Variants in PZP observed in about 807,000 individuals in gnomAD.
PZP encodes PZP alpha-2-macroglobulin like.
In PZP, 150 loss-of-function variants were observed where a neutral mutation model predicts 179.8. The observed-to-expected ratio is 0.83, with a 90% CI of 0.73 to 0.96. PZP has a LOEUF of 0.96. Among genes scored for constraint, PZP ranks in the 40% least tolerant of loss-of-function variants. The probability of loss-of-function intolerance (pLI) is 0.00; values close to 1 mark genes in which losing one functional copy is unlikely to be tolerated. For synonymous variants in PZP, 624 were observed against 652.3 expected, an observed-to-expected ratio of 0.96 and a Z score of 0.66; for missense variants, 1,689 against 1,764.0, an observed-to-expected ratio of 0.96 and a Z score of 0.76.
intron 34 of PZP, among the ~76,000 whole-genome samples, chr12:9,150,377 G>C (rs1208642494): frequency 6.6e-6 from 1 of 152,108 alleles, no homozygotes; most frequent in Non-Finnish European, 1.5e-5. Flanking sequence ...CTGCCTCCCA[G>C]GCTTACACGA....
At position 9,165,301 on chromosome 12, in the gene PZP, G is replaced by A. The variant is rs745393431; in HGVS notation, c.2325C>T (p.Ala775=). Residue 775 remains alanine (A), a synonymous_variant, in exon 19 of 36, where the codon GCC becomes GCT. Transcript: ENST00000261336. The part of the protein sequence containing the change: ...PDTITEWKAG[A]FCLSEDAGLG... The stretch of plus-strand genomic sequence containing the variant: ...GTCCAGCATCTTCGGACAGGCAGAA[G>A]GCCCCTGCCTTCCACTCGGTGATGG... 36 of 1,614,040 alleles carry A rather than the reference G, an allele frequency of 2.2e-5. No individual in the cohort carries two copies. Among genetic ancestry groups the A allele is most frequent in the Non-Finnish European group, 3.0e-5 (35 of 1,180,006 alleles).
chr12:9,166,077 A>C lies in PZP; in HGVS notation c.2233T>G (p.Trp745Gly). ...ETVRSYFPETWIWELVAVNSS... is the reference protein window; with the variant it reads ...ETVRSYFPETGIWELVAVNSS... ...TTCACTGCCACCAACTCCCAGATCCAAGTCTCAGGAAAATAGCTTCGCACC... is the reference window on the plus strand; with the variant it reads ...TTCACTGCCACCAACTCCCAGATCCCAGTCTCAGGAAAATAGCTTCGCACC... Residue 745 changes from tryptophan to glycine, a missense_variant, in exon 18 of 36, where the codon TGG becomes GGG. Physicochemically the swap from Trp to Gly is radical, Grantham distance 184. Transcript: ENST00000261336. The C allele has an allele frequency of 6.2e-7, 1 of 1,609,892 alleles. No homozygotes were observed. The highest frequency in any genetic ancestry group is 8.5e-7 in the Non-Finnish European group (1 of 1,179,122).
chr12:9,200,603 T>C (rs1944099439), intron 6 of PZP, among the ~76,000 whole-genome samples, 155 bp from the exon 7 acceptor site: 1 of 152,222 alleles, frequency 6.6e-6, no homozygotes, highest in Non-Finnish European at 1.5e-5. Flanking sequence ...GTTTAACAAT[T>C]CATGCAGAAT....
At chr12:9,195,611 A>ATTTTT (rs11398106) in intron 10 of PZP, among the ~76,000 whole-genome samples, 15 of 104,248 alleles carry the variant, frequency 1.4e-4, no homozygotes, top group South Asian at 3.2e-4. Context: ...CCCACTGCTA[A>ATTTTT]TTTTTTTTTT....
Position 9,154,707 on chromosome 12 carries a change from G to T in PZP, c.3683C>A (p.Ala1228Asp). 6.2e-7 allele frequency: 1 copy of T among 1,614,134 alleles called. No individual in the cohort carries two copies. The highest frequency in any genetic ancestry group is 8.5e-7 in the Non-Finnish European group (1 of 1,180,038). Residue 1228 changes from alanine (A) to aspartate (D), a missense_variant, in exon 29 of 36, where the codon GCC becomes GAC. Transcript: ENST00000261336. ...AGAGGTCAGGTCCCCTGAGGTGGGG[G>T]CTGGCTGGGCCGTGAGATAAGCGAG... is the stretch of plus-strand genomic sequence containing the variant. ...VLLAYLTAQPAPTSGDLTSAT... is the reference protein window; with the variant it reads ...VLLAYLTAQPDPTSGDLTSAT...
At chr12:9,160,133 G>T in intron 24 of PZP, 108 bp from the exon 25 acceptor site, 1 of 1,195,254 alleles carries the variant, frequency 8.4e-7, no homozygotes, top group Non-Finnish European at 1.2e-6. Context: ...GACCTTCTGT[G>T]ATCTGCCATA....
chr12:9,142,602 G>A, the PZP span, among the ~76,000 whole-genome samples: 2 of 152,110 alleles, frequency 1.3e-5, no homozygotes, highest in African/African-American at 4.8e-5. Flanking sequence ...GTCAATTAGA[G>A]CTTTTTAAAT....
chr12:9,206,596 A>G (rs142130421), intron 1 of PZP, among the ~76,000 whole-genome samples: 243 of 152,320 alleles, frequency 1.6e-3, no homozygotes, highest in Non-Finnish European at 2.5e-3. Context: ...TGAAACCTTC[A>G]TCTTTCTGAA....
Position 9,197,066 on chromosome 12 carries a change from T to C in PZP, c.813A>G (p.Leu271=), listed in dbSNP as rs779329761. The C allele has an allele frequency of 6.2e-7, 1 of 1,613,630 alleles. No homozygotes were observed. Among genetic ancestry groups the C allele is most frequent in the Non-Finnish European group, 8.5e-7 (1 of 1,179,800 alleles). ...GCTTGTCACAATTAAGAACACGAGATAATTTTCTACACAGGCTCACAGTTG... is the reference window on the plus strand; with the variant it reads ...GCTTGTCACAATTAAGAACACGAGACAATTTTCTACACAGGCTCACAGTTG... The part of the protein sequence containing the change: ...GLATVSLCRK[L]SRVLNCDKQE... Residue 271 remains leucine, a synonymous_variant, in exon 8 of 36, where the codon TTA becomes TTG. Coordinates refer to ENST00000261336, the MANE Select transcript of PZP (RefSeq NM_002864.3).
chr12:9,139,356 C>G, the PZP span, among the ~76,000 whole-genome samples: 2 of 151,930 alleles, frequency 1.3e-5, no homozygotes, highest in Non-Finnish European at 2.9e-5. Flanking sequence ...GTGACTTATC[C>G]TGGGGAAGGA....
At chr12:9,196,933 G>C in intron 8 of PZP, 79 bp downstream of exon 8, 1 of 1,117,100 alleles carries the variant, frequency 9.0e-7, no homozygotes, top group Non-Finnish European at 1.3e-6. Flanking sequence ...TTGTCCTGAT[G>C]CCCTCTTTCT....
At chr12:9,150,609 T>G (rs1940280923) in intron 34 of PZP, 35 bp downstream of exon 34, 1 of 1,387,126 alleles carries the variant, frequency 7.2e-7, no homozygotes, top group Non-Finnish European at 1.0e-6. Context: ...ATTTCTTGGC[T>G]CTGGTTAAGA....
rs144915905 is a variant in PZP at position 9,199,050 on chromosome 12, A to G, written c.755+1314T>C. ...TCACAGAGGGCAACAGTGGAAAGGA[A>G]CATCATAGGTAAGGTTCATGCCCTC... On this transcript the variant is annotated intron_variant, in intron 7 of 35. Transcript: ENST00000261336. Among the ~76,000 whole-genome samples the G allele has an allele frequency of 3.9e-3, 588 of 152,256 alleles. 5 individuals are homozygous for G. Among genetic ancestry groups the G allele is most frequent in the South Asian group, 0.022 (107 of 4,818 alleles).
At chr12:9,139,414 A>T in the PZP span, among the ~76,000 whole-genome samples, 1 of 152,168 alleles carries the variant, frequency 6.6e-6, no homozygotes, top group Non-Finnish European at 1.5e-5. Context: ...GTTTGGTGGA[A>T]TATTCTGCAT....
rs756766840 is a variant in PZP, at chr12:9,152,933, T to G, written c.4012A>C (p.Ile1338Leu). 2.5e-6 allele frequency: 4 copies of G among 1,614,142 alleles called. No individual in the cohort carries two copies. The East Asian group carries it at 8.9e-5, about 36-fold the overall frequency. The stretch of plus-strand genomic sequence containing the variant: ...GGGGAGTCCTCTTTCTCTGGAAGAA[T>G]ATTGTATTTCATGGATGTCTGTGAA... ...VYLQTSMKYN[I>L]LPEKEDSPFA... The change falls in exon 31 of 36, where the codon ATT becomes CTT. Residue 1338 changes from isoleucine (I) to leucine (L), a missense_variant. Around this residue, in one of 3 missense-constraint regions of PZP, gnomAD observed 746 missense variants for 749.2 expected, o/e 1.00. Transcript: ENST00000261336.
In PZP at chr12:9,202,536, G is replaced by T. The variant is rs760339155; in HGVS notation, c.416C>A (p.Pro139Gln). Residue 139 changes from proline (P) to glutamine (Q), a missense_variant, in exon 3 of 36, where the codon CCA becomes CAA. By Grantham distance (76) the Pro-to-Gln change is moderately conservative (BLOSUM62 -1). This residue lies in a region of PZP where 742 missense variants were observed against 730.5 expected (regional missense o/e 1.02). Transcript: ENST00000261336. ...FVQTDKPMYKPGQTVRFRVVS... is the reference protein window; with the variant it reads ...FVQTDKPMYKQGQTVRFRVVS... ...ATTTCCCTACTTACCTGTCTGTCCTGGTTTATACATGGGTTTGTCTGTCTG... is the reference window on the plus strand; with the variant it reads ...ATTTCCCTACTTACCTGTCTGTCCTTGTTTATACATGGGTTTGTCTGTCTG... The T allele has an allele frequency of 6.2e-7, 1 of 1,614,056 alleles. No individual in the cohort carries two copies. Among genetic ancestry groups the T allele is most frequent in the Non-Finnish European group, 8.5e-7 (1 of 1,179,998 alleles).
At chr12:9,196,902 G>C (rs2121158095) in intron 8 of PZP, 110 bp downstream of exon 8, 1 of 913,388 alleles carries the variant, frequency 1.1e-6, no homozygotes, top group East Asian at 2.4e-5. Flanking sequence ...GTTTTTTGGT[G>C]GGGGATATTT....
chr12:9,182,544 G>T (rs1296832509), intron 13 of PZP, among the ~76,000 whole-genome samples: 12 of 152,020 alleles, frequency 7.9e-5, no homozygotes, highest in Admixed American at 7.9e-4. Context: ...AAAAAGCTCT[G>T]TATGTAAAAA....
In PZP at chr12:9,169,470, G is replaced by A. The variant is rs369857112; in HGVS notation, c.1961C>T (p.Pro654Leu). Reference protein sequence around the residue: ...FFIHNGAIYVPLSSNEADIYS... With the variant: ...FFIHNGAIYVLLSSNEADIYS... ...AATATCTGCTTCATTACTTGATAAG[G>A]GAACATAGATGGCTCCATTATGAAT... Residue 654 changes from proline (P) to leucine (L), a missense_variant, in exon 16 of 36, where the codon CCC (proline) becomes CTC (leucine). By Grantham distance (98) the Pro-to-Leu change is moderately conservative (BLOSUM62 -3). This residue lies in a region of PZP where 201 missense variants were observed against 284.2 expected (regional missense o/e 0.71). Transcript: ENST00000261336. 8.1e-6 allele frequency: 13 copies of A among 1,611,538 alleles called. No homozygotes were observed. The Middle Eastern group carries it at 5.0e-4, about 61-fold the overall frequency.
Sources: allele counts gnomAD v4.1 joint callset (sites outside exome capture counted in the v4.1 genomes callset), GRCh38; gene constraint gnomAD v4.1.1; regional missense constraint gnomAD v4.1.1; transcripts MANE v1.5; gene names NCBI Gene and HGNC (gene_info 2026-07-23, HGNC 2026-07-21).